GRIK2: variants seen among roughly 807,000 people sequenced by gnomAD.
GRIK2 encodes the protein glutamate ionotropic receptor kainate type subunit 2.
In GRIK2, 32 loss-of-function variants were observed where a neutral mutation model predicts 100.3. The observed-to-expected ratio is 0.32, with a 90% confidence interval of 0.24 to 0.43. The LOEUF (loss-of-function observed/expected upper bound fraction) is 0.43, where lower values mean the gene tolerates loss of function less well. GRIK2 is among the 20% of genes least tolerant of loss of function. The pLI is 1.00. For missense variants in GRIK2, 843 were observed against 1,114.9 expected, an observed-to-expected ratio of 0.76 and a Z score of 3.47; for synonymous variants, 417 against 389.4, an observed-to-expected ratio of 1.07 and a Z score of -0.83.
chr6:102,009,488 G>A (rs1468260791), intron 14 of GRIK2, among the ~76,000 whole-genome samples: 2 of 152,006 alleles, frequency 1.3e-5, no homozygotes, highest in African/African-American at 4.8e-5. Context: ...CTCTCTCTGT[G>A]AAATACCTTC....
intron 12 of GRIK2, among the ~76,000 whole-genome samples, chr6:101,896,695 T>C: frequency 6.6e-6 from 1 of 151,710 alleles, no homozygotes; most frequent in Non-Finnish European, 1.5e-5. Context: ...GAAAGACTCC[T>C]GGAAGCAAAA....
chr6:102,013,113 G>C (rs1795636427), intron 14 of GRIK2, among the ~76,000 whole-genome samples: 1 of 151,992 alleles, frequency 6.6e-6, no homozygotes, highest in Admixed American at 6.6e-5. Context: ...ATTTCTTTGA[G>C]GAGTGTTTTG....
intron 16 of GRIK2, among the ~76,000 whole-genome samples, chr6:102,060,304 T>C (rs1269621637): frequency 3.3e-5 from 5 of 150,786 alleles, no homozygotes; most frequent in African/African-American, 1.2e-4. Context: ...GAATAACCAA[T>C]TTGGAATACA....
rs533209211 is a variant in GRIK2 at position 101,477,228 on chromosome 6, G to A, written c.115+77836G>A. ...CATACACTTACAGGGGCAGTTTTGG[G>A]TAGTATGCCCAGAACAATGTTTAAG... On this transcript the variant is annotated intron_variant, in intron 2 of 16. Coordinates refer to ENST00000369134, the MANE Select transcript of GRIK2 (RefSeq NM_021956.5). 2.1e-4 allele frequency among the ~76,000 whole-genome samples: 32 copies of A among 152,230 alleles called. No homozygotes were observed. In the South Asian group the frequency reaches 6.6e-3, roughly 32 times the overall value.
intron 14 of GRIK2, among the ~76,000 whole-genome samples, chr6:102,005,768 G>T (rs1451047647): frequency 6.6e-6 from 1 of 151,888 alleles, no homozygotes; most frequent in Non-Finnish European, 1.5e-5. Flanking sequence ...CTTTGGTATG[G>T]CTACTATAAC....
At chr6:101,917,891 A>G (rs1261006796) in intron 12 of GRIK2, among the ~76,000 whole-genome samples, 1 of 151,486 alleles carries the variant, frequency 6.6e-6, no homozygotes, top group Admixed American at 6.6e-5. Flanking sequence ...AAATATGAAA[A>G]TAGTATGTAA....
intron 14 of GRIK2, among the ~76,000 whole-genome samples, chr6:101,928,912 C>A (rs1790083011): frequency 6.6e-6 from 1 of 152,050 alleles, no homozygotes; most frequent in African/African-American, 2.4e-5. Context: ...GTAAGCTTTT[C>A]TTTTTGAATA....
intron 2 of GRIK2, among the ~76,000 whole-genome samples, chr6:101,449,506 G>A (rs1770552150): frequency 6.6e-6 from 1 of 151,526 alleles, no homozygotes; most frequent in Non-Finnish European, 1.5e-5. Flanking sequence ...ACACAACAAG[G>A]GAGGCTTTGG....
intron 2 of GRIK2, among the ~76,000 whole-genome samples, chr6:101,554,744 TACC>T (rs1301393898): frequency 6.6e-6 from 1 of 152,156 alleles, no homozygotes; most frequent in African/African-American, 2.4e-5. Context: ...GTACCTATAG[TACC>T]ACCAAAATAC....
intron 2 of GRIK2, among the ~76,000 whole-genome samples, chr6:101,498,775 A>C (rs1452669384): frequency 6.6e-6 from 1 of 152,010 alleles, no homozygotes; most frequent in East Asian, 1.9e-4. Flanking sequence ...TTAGCCCTTT[A>C]TCAGATGAGT....
intron 2 of GRIK2, among the ~76,000 whole-genome samples, chr6:101,596,094 A>G (rs967111108): frequency 2.0e-5 from 3 of 151,240 alleles, no homozygotes; most frequent in Non-Finnish European, 4.4e-5. Context: ...AACAACTTCA[A>G]ATTTTAAACT....
chr6:101,406,440 G>T (rs1167553907), intron 2 of GRIK2, among the ~76,000 whole-genome samples: 1 of 152,084 alleles, frequency 6.6e-6, no homozygotes, highest in Non-Finnish European at 1.5e-5. Context: ...GGTTTGGGGA[G>T]GGTATGTCTT....
intron 16 of GRIK2, among the ~76,000 whole-genome samples, chr6:102,060,389 G>C (rs1771686442): frequency 6.6e-6 from 1 of 150,602 alleles, no homozygotes; most frequent in Non-Finnish European, 1.5e-5. Flanking sequence ...GAAAATCAGA[G>C]GGTTTAGTTT....
At chr6:101,447,670 C>T (rs544364280) in intron 2 of GRIK2, among the ~76,000 whole-genome samples, 1 of 151,748 alleles carries the variant, frequency 6.6e-6, no homozygotes, top group South Asian at 2.1e-4. Context: ...ATATCTCTCA[C>T]AGATTGATTT....
chr6:101,407,691 A>G (rs1775666598), intron 2 of GRIK2, among the ~76,000 whole-genome samples: 1 of 151,970 alleles, frequency 6.6e-6, no homozygotes, highest in South Asian at 2.1e-4. Flanking sequence ...GCATCCATTC[A>G]TTCAACAATA....
intron 14 of GRIK2, among the ~76,000 whole-genome samples, chr6:102,027,390 G>A (rs13219630): frequency 0.27 from 41,281 of 150,980 alleles, 6,013 homozygotes; most frequent in East Asian, 0.34. Context: ...ATTAATTCAA[G>A]AGAAATAGAA....
At chr6:101,579,957 A>T (rs1425777012) in intron 2 of GRIK2, among the ~76,000 whole-genome samples, 2 of 150,840 alleles carry the variant, frequency 1.3e-5, no homozygotes, top group Non-Finnish European at 1.5e-5. Context: ...TTCCAACTTT[A>T]TGACTACTTC....
chr6:101,826,315 A>G lies in GRIK2; in HGVS notation c.1317+7832A>G, dbSNP rs28406669. Among the ~76,000 whole-genome samples, 618 of 152,202 alleles carry G rather than the reference A, an allele frequency of 4.1e-3. 5 individuals are homozygous for G. Among genetic ancestry groups the G allele is most frequent in the African/African-American group, 0.014 (592 of 41,558 alleles). ...GAGGAAAGAGATGGCAACATTAAAA[A>G]CTAAGTATAAGGTTTCTTGGGAATG... On this transcript the variant is annotated intron_variant, in intron 10 of 16. Coordinates refer to ENST00000369134, the MANE Select transcript of GRIK2 (RefSeq NM_021956.5).
chr6:101,946,089 T>C (rs750825455), intron 14 of GRIK2, among the ~76,000 whole-genome samples: 6 of 151,958 alleles, frequency 3.9e-5, no homozygotes, highest in Admixed American at 6.6e-5. Flanking sequence ...AAATATAACA[T>C]ATACACAGAA....
Sources: allele counts gnomAD v4.1 joint callset (sites outside exome capture counted in the v4.1 genomes callset), GRCh38; gene constraint gnomAD v4.1.1; transcripts MANE v1.5; gene names NCBI Gene and HGNC (gene_info 2026-07-23, HGNC 2026-07-21).